CFAP69: variants seen among roughly 807,000 people sequenced by gnomAD.
CFAP69 encodes cilia and flagella associated protein 69.
In CFAP69, 92 loss-of-function variants were observed where a neutral mutation model predicts 123.0. The observed-to-expected ratio is 0.75, with a 90% confidence interval of 0.63 to 0.89. CFAP69 has a LOEUF of 0.89. CFAP69 is among the 40% of genes least tolerant of loss of function. The pLI is 0.00. For synonymous variants in CFAP69, 380 were observed against 364.3 expected, an observed-to-expected ratio of 1.04 and a Z score of -0.49; for missense variants, 1,067 against 1,096.9, an observed-to-expected ratio of 0.97 and a Z score of 0.39.
At chr7:90,300,629 A>G (rs1584524869) in intron 17 of CFAP69, 1 of 328,278 alleles carries the variant, frequency 3.0e-6, no homozygotes, top group East Asian at 1.7e-4. Flanking sequence ...CCATACTGCT[A>G]TATTACATTT....
At chr7:90,270,969 A>G (rs1481263517) in intron 6 of CFAP69, among the ~76,000 whole-genome samples, 1 of 152,086 alleles carries the variant, frequency 6.6e-6, no homozygotes, top group Admixed American at 6.6e-5. Context: ...CTCTTATTTT[A>G]TTGCTGACAC....
intron 15 of CFAP69, among the ~76,000 whole-genome samples, chr7:90,297,222 A>G (rs1455050640): frequency 6.6e-6 from 1 of 152,194 alleles, no homozygotes; most frequent in Non-Finnish European, 1.5e-5. Context: ...TCTCTGTTTT[A>G]ACGTTAATAC....
chr7:90,307,383 A>G (rs998401233), intron 20 of CFAP69, among the ~76,000 whole-genome samples: 2 of 152,182 alleles, frequency 1.3e-5, no homozygotes, highest in Non-Finnish European at 2.9e-5. Context: ...CAACTATTAT[A>G]TATCAATAAG....
chr7:90,253,380 T>C (rs961314033), intron 1 of CFAP69, among the ~76,000 whole-genome samples: 1 of 152,128 alleles, frequency 6.6e-6, no homozygotes, highest in Admixed American at 6.6e-5. Context: ...TGTTTTGTTT[T>C]GCTATTTGTA....
chr7:90,248,822 T>A (rs1395848606), intron 1 of CFAP69, among the ~76,000 whole-genome samples: 1 of 152,206 alleles, frequency 6.6e-6, no homozygotes, highest in African/African-American at 2.4e-5. Flanking sequence ...ATTTTCTAAT[T>A]GTGAGGAACT....
At chr7:90,287,565 T>C (rs923049767) in intron 14 of CFAP69, 1 of 985,138 alleles carries the variant, frequency 1.0e-6, no homozygotes, top group Non-Finnish European at 1.2e-6. Context: ...AGGGATGGAA[T>C]TGGAAAGATA....
intron 9 of CFAP69, among the ~76,000 whole-genome samples, chr7:90,276,744 T>A (rs1463153211): frequency 1.3e-5 from 2 of 152,208 alleles, no homozygotes; most frequent in Non-Finnish European, 2.9e-5. Context: ...AGGTAACGAA[T>A]TATAGAAGTA....
intron 1 of CFAP69, among the ~76,000 whole-genome samples, chr7:90,245,968 T>C (rs1796272030): frequency 6.6e-6 from 1 of 152,210 alleles, no homozygotes; most frequent in East Asian, 1.9e-4. Flanking sequence ...TTGATATAGA[T>C]GTAAATTTTC....
intron 1 of CFAP69, among the ~76,000 whole-genome samples, chr7:90,252,869 G>T (rs1433581545): frequency 1.3e-5 from 2 of 151,982 alleles, no homozygotes; most frequent in African/African-American, 4.8e-5. Context: ...TTAAAGGCAA[G>T]GAAATACTAA....
the CFAP69 span, among the ~76,000 whole-genome samples, chr7:90,320,089 G>A: frequency 6.6e-6 from 1 of 152,146 alleles, no homozygotes; most frequent in Non-Finnish European, 1.5e-5. Context: ...TAGTGATACG[G>A]TTCCGCAAGT....
rs748178308 is a variant in CFAP69, at chr7:90,245,441, C to A, written c.17C>A (p.Ala6Asp). 1 of 1,557,656 alleles carries A rather than the reference C, an allele frequency of 6.4e-7. No homozygotes were observed. Among genetic ancestry groups the A allele is most frequent in the East Asian group, 2.6e-5 (1 of 38,454 alleles). The stretch of plus-strand genomic sequence containing the variant: ...CCACCGGCCATGTGGACAGAGGAAG[C>A]CGGGGCGACCGCCGAGGCCCAGGAA... MWTEE[A>D]GATAEAQESG... The change falls in exon 1 of 23, where the codon GCC (alanine) becomes GAC (aspartate). Residue 6 changes from alanine (A) to aspartate (D), a missense_variant. Physicochemically the swap from Ala to Asp is moderately radical, Grantham distance 126. Coordinates refer to ENST00000389297, the MANE Select transcript of CFAP69 (RefSeq NM_001039706.3).
In CFAP69 at chr7:90,297,866, A is replaced by T. The variant is rs148541535; in HGVS notation, c.1857+36A>T. ...CTATAACAATCATAAGACAAAAGAC[A>T]AATATGTCTATTAAAGGCCGTTTCC... On this transcript the variant is annotated intron_variant, in intron 16 of 22. Coordinates refer to ENST00000389297, the MANE Select transcript of CFAP69 (RefSeq NM_001039706.3). 88 of 1,402,732 alleles carry T rather than the reference A, an allele frequency of 6.3e-5. 1 individual carries two copies. In the East Asian group the frequency reaches 2.1e-3, roughly 34 times the overall value. 86.9% of individuals were successfully genotyped at this position (1,402,732 alleles called of 1,614,324 possible).
At chr7:90,264,258 CTT>C (rs1798820135) in intron 4 of CFAP69, among the ~76,000 whole-genome samples, 1 of 149,934 alleles carries the variant, frequency 6.7e-6, no homozygotes, top group East Asian at 2.0e-4. Context: ...TAAAAAATAA[CTT>C]TTATATTTTC....
At chr7:90,254,626 C>T (rs1797427120) in intron 1 of CFAP69, among the ~76,000 whole-genome samples, 1 of 152,042 alleles carries the variant, frequency 6.6e-6, no homozygotes, top group Non-Finnish European at 1.5e-5. Flanking sequence ...ATTTTTCTAG[C>T]CTTTTTCATC....
intron 4 of CFAP69, 78 bp downstream of exon 4, chr7:90,262,134 T>C: frequency 3.4e-6 from 3 of 874,274 alleles, no homozygotes; most frequent in East Asian, 2.8e-5. Context: ...AAACATACTA[T>C]GCATTATAGT....
intron 5 of CFAP69, among the ~76,000 whole-genome samples, chr7:90,266,358 A>G (rs1312335339): frequency 2.0e-5 from 3 of 152,134 alleles, no homozygotes; most frequent in Non-Finnish European, 4.4e-5. Context: ...AAAACACCTT[A>G]GGAAGCAGGC....
the CFAP69 span, chr7:90,319,081 C>T: frequency 3.5e-6 from 1 of 288,360 alleles, no homozygotes; most frequent in Admixed American, 5.1e-5. Context: ...AAATGGCTTT[C>T]TTATGAACTA....
chr7:90,282,579 G>A (rs900172152), intron 12 of CFAP69, among the ~76,000 whole-genome samples: 5 of 152,056 alleles, frequency 3.3e-5, no homozygotes, highest in East Asian at 3.9e-4. Flanking sequence ...ATGCTGAAAC[G>A]AATTAAAATT....
the CFAP69 span, chr7:90,321,019 T>G: frequency 6.6e-6 from 1 of 152,120 alleles, no homozygotes; most frequent in African/African-American, 2.4e-5. Flanking sequence ...GCTACGCTCG[T>G]TGGGAGGAGG....
Sources: gnomAD v4.1 joint callset for allele counts (sites outside exome capture counted in the v4.1 genomes callset) on GRCh38, gnomAD v4.1.1 for gene constraint, MANE v1.5 for transcripts, NCBI Gene and HGNC (gene_info 2026-07-23, HGNC 2026-07-21) for gene names.